SLC36A1: variants seen among roughly 807,000 people sequenced by gnomAD.
SLC36A1 encodes the protein solute carrier family 36 member 1, also known as proton-coupled amino acid transporter 1.
In SLC36A1, 30 loss-of-function variants were observed where a neutral mutation model predicts 47.5. That is an observed-to-expected ratio of 0.63 (90% CI 0.47 to 0.86). SLC36A1 has a LOEUF of 0.86. Ranked by LOEUF, SLC36A1 falls within the 40% of genes least tolerant of loss-of-function variation. The probability of loss-of-function intolerance (pLI) is 0.00; values close to 1 mark genes in which losing one functional copy is unlikely to be tolerated. For missense variants in SLC36A1, 517 were observed against 606.0 expected (o/e 0.85, Z 1.54); for synonymous variants, 255 against 249.7 (o/e 1.02, Z -0.20).
the SLC36A1 span, among the ~76,000 whole-genome samples, chr5:151,426,274 G>A: frequency 2.0e-5 from 3 of 151,890 alleles, no homozygotes; most frequent in Non-Finnish European, 2.9e-5. Context: ...CCAGGGGACC[G>A]GTGCTCAGCA....
At chr5:151,477,229 T>C (rs752326539) in intron 9 of SLC36A1, among the ~76,000 whole-genome samples, 1 of 152,210 alleles carries the variant, frequency 6.6e-6, no homozygotes, top group Non-Finnish European at 1.5e-5. Context: ...AGGGAAATAG[T>C]GAGCCATTTT....
intron 1 of SLC36A1, among the ~76,000 whole-genome samples, chr5:151,456,173 G>T (rs1157794331): frequency 6.6e-6 from 1 of 152,152 alleles, no homozygotes; most frequent in Non-Finnish European, 1.5e-5. Flanking sequence ...GAAATTGGCA[G>T]CTTTTTCTTT....
the SLC36A1 span, among the ~76,000 whole-genome samples, chr5:151,553,592 A>T: frequency 6.6e-6 from 1 of 152,248 alleles, no homozygotes; most frequent in African/African-American, 2.4e-5. Context: ...CAAAACGTAT[A>T]ACCTGTGCTC....
chr5:151,543,815 T>A, the SLC36A1 span: 2 of 1,614,094 alleles, frequency 1.2e-6, no homozygotes, highest in Non-Finnish European at 1.7e-6. Flanking sequence ...AGGTTGAACA[T>A]AGAAATTATT....
intron 10 of SLC36A1, among the ~76,000 whole-genome samples, chr5:151,486,201 A>G (rs1018100436): frequency 6.6e-6 from 1 of 152,116 alleles, no homozygotes; most frequent in Non-Finnish European, 1.5e-5. Flanking sequence ...TTTATATGGC[A>G]AGACAGGGAG....
At chr5:151,487,511 C>G (rs1045583297) in intron 10 of SLC36A1, among the ~76,000 whole-genome samples, 3 of 152,156 alleles carry the variant, frequency 2.0e-5, no homozygotes, top group Admixed American at 2.0e-4. Flanking sequence ...CGGTGTCTTT[C>G]CAGAAGGCGG....
chr5:151,484,650 C>A (rs1759277074), intron 10 of SLC36A1, among the ~76,000 whole-genome samples: 1 of 152,168 alleles, frequency 6.6e-6, no homozygotes, highest in South Asian at 2.1e-4. Context: ...TTGCCCTGCA[C>A]CACTCAGCTT....
At chr5:151,448,396 C>T (rs1317127323) in intron 1 of SLC36A1, among the ~76,000 whole-genome samples, 2 of 152,212 alleles carry the variant, frequency 1.3e-5, no homozygotes, top group East Asian at 1.9e-4. Flanking sequence ...CTCTTTTAGT[C>T]CTCTCCCTTT....
intron 5 of SLC36A1, among the ~76,000 whole-genome samples, chr5:151,465,554 G>A (rs1056544666): frequency 6.6e-6 from 1 of 152,178 alleles, no homozygotes; most frequent in African/African-American, 2.4e-5. Context: ...AAATTATGTG[G>A]TTCCTACCCT....
chr5:151,489,973 A>T lies in SLC36A1; in HGVS notation c.*1719A>T, dbSNP rs986437009. On this transcript the variant is annotated 3_prime_UTR_variant, in exon 11 of 11. Transcript: ENST00000243389. The surrounding 1 kb of genome is among the most constrained non-coding windows in gnomAD (Gnocchi z 4.5). The stretch of plus-strand genomic sequence containing the variant: ...GCTTCTGTGTTTCGCCAAAGCTCAT[A>T]AGGGCTGTGACCCACCCATATGGCC... The T allele has an allele frequency of 1.3e-5, 2 of 152,164 alleles. No homozygotes were observed. Among genetic ancestry groups the T allele is most frequent in the Admixed American group, 1.3e-4 (2 of 15,278 alleles). The allele number at this position is 152,164 out of a possible 1,614,324, so 9.4% of individuals were successfully genotyped here. A position where few individuals can be genotyped will look rare whatever the true frequency, so the allele number is the denominator to read the frequency against.
the SLC36A1 span, chr5:151,347,268 A>C: frequency 1.2e-5 from 20 of 1,613,804 alleles, no homozygotes; most frequent in Non-Finnish European, 1.6e-5. Context: ...TAGAAAGCAG[A>C]AATAGGGATG....
At chr5:151,380,267 C>A in the SLC36A1 span, 2 of 240,070 alleles carry the variant, frequency 8.3e-6, no homozygotes, top group East Asian at 9.4e-5. Flanking sequence ...GGCGGATCAC[C>A]TGAGGTCCGG....
At chr5:151,502,609 G>A in the SLC36A1 span, among the ~76,000 whole-genome samples, 5 of 148,064 alleles carry the variant, frequency 3.4e-5, 1 homozygote, top group African/African-American at 1.1e-4. Context: ...ATACCGCACC[G>A]CACACCCATT....
chr5:151,350,347 C>T, the SLC36A1 span, among the ~76,000 whole-genome samples: 1 of 152,180 alleles, frequency 6.6e-6, no homozygotes, highest in African/African-American at 2.4e-5. Flanking sequence ...GGGTTACCTC[C>T]CTTGCCTAAG....
At chr5:151,507,074 G>T in the SLC36A1 span, 2 of 1,289,200 alleles carry the variant, frequency 1.6e-6, no homozygotes, top group Non-Finnish European at 2.1e-6. Context: ...AAAAATGCCT[G>T]TGCCTCAGAT....
chr5:151,412,233 A>G, the SLC36A1 span, among the ~76,000 whole-genome samples: 2 of 144,880 alleles, frequency 1.4e-5, 1 homozygote, highest in South Asian at 5.1e-4. Flanking sequence ...AATATGTTAT[A>G]TTGCATTTGG....
Position 151,489,158 on chromosome 5 carries a change from A to G in SLC36A1, c.*904A>G, listed in dbSNP as rs775180828. The G allele has an allele frequency of 6.6e-6, 1 of 152,146 alleles. No individual in the cohort carries two copies. The highest frequency in any genetic ancestry group is 1.5e-5 in the Non-Finnish European group (1 of 68,044). The allele number at this position is 152,146 out of a possible 1,614,324, so 9.4% of individuals were successfully genotyped here. A position where few individuals can be genotyped will look rare whatever the true frequency, so the allele number is the denominator to read the frequency against. On this transcript the variant is annotated 3_prime_UTR_variant, in exon 11 of 11. Coordinates refer to ENST00000243389, the MANE Select transcript of SLC36A1 (RefSeq NM_078483.4). This position sits in a 1 kb window ranked among gnomAD's most constrained non-coding sequence, Gnocchi z 4.5. ...TAAAAATGTACCTCGGTGAGGAGGC[A>G]CAGATTTTGCCTCCTGTTGACCAGC...
the SLC36A1 span, chr5:151,507,590 A>G: frequency 6.2e-7 from 1 of 1,607,186 alleles, no homozygotes; most frequent in East Asian, 2.2e-5. Context: ...CTTCTGAACA[A>G]CCCCTCGCCT....
the SLC36A1 span, among the ~76,000 whole-genome samples, chr5:151,535,338 T>C: frequency 6.6e-6 from 1 of 152,058 alleles, no homozygotes; most frequent in African/African-American, 2.4e-5. Flanking sequence ...GATTCCCATC[T>C]TTCCCCCCTT....
Sources: gnomAD v4.1 joint callset for allele counts (sites outside exome capture counted in the v4.1 genomes callset) on GRCh38, gnomAD v4.1.1 for gene constraint, Gnocchi (gnomAD v3.1) non-coding constraint, MANE v1.5 for transcripts, NCBI Gene and HGNC (gene_info 2026-07-23, HGNC 2026-07-21) for gene names.